The following ATP8B1 variants were observed in gnomAD, a reference collection of about 807,000 sequenced individuals.
The protein encoded by ATP8B1 is ATPase phospholipid transporting 8B1.
A neutral mutation model predicts 149.9 loss-of-function variants in ATP8B1; 80 were observed. The observed-to-expected ratio is 0.53, with a 90% CI of 0.45 to 0.64. ATP8B1 has a LOEUF of 0.64. Among genes scored for constraint, ATP8B1 ranks in the 30% least tolerant of loss-of-function variants. The pLI is 0.00. For missense variants in ATP8B1, 1,247 were observed against 1,552.6 expected (o/e 0.80, Z 3.31); for synonymous variants, 536 against 562.8 (o/e 0.95, Z 0.67).
chr18:57,728,017 CAT>C (rs2079725862), intron 2 of ATP8B1, among the ~76,000 whole-genome samples: 1 of 152,148 alleles, frequency 6.6e-6, no homozygotes, highest in Non-Finnish European at 1.5e-5. Context: ...ATTCTAACAG[CAT>C]GTTTGTGCCT....
At chr18:57,664,057 G>A (rs1363374414) in intron 20 of ATP8B1, among the ~76,000 whole-genome samples, 12 of 118,064 alleles carry the variant, frequency 1.0e-4, no homozygotes, top group South Asian at 3.4e-4. Context: ...GAGCCACCAC[G>A]CCTGGCCAGC....
intron 1 of ATP8B1, among the ~76,000 whole-genome samples, chr18:57,794,792 AAAAGAAAGAAAG>A (rs113119274): frequency 4.3e-4 from 63 of 147,994 alleles, no homozygotes; most frequent in South Asian, 3.5e-3. Context: ...CTCCGCCTCA[AAAAGAAAGAAAG>A]AAAGAAAGAA....
intron 1 of ATP8B1, among the ~76,000 whole-genome samples, chr18:57,736,033 C>T (rs2079851273): frequency 8.7e-6 from 1 of 115,024 alleles, no homozygotes; most frequent in Admixed American, 1.4e-4. Context: ...TTCATGTGTT[C>T]TCATTGTTCA....
At chr18:57,693,577 A>G (rs534753525) in intron 11 of ATP8B1, among the ~76,000 whole-genome samples, 28 of 152,142 alleles carry the variant, frequency 1.8e-4, no homozygotes, top group Non-Finnish European at 2.5e-4. Context: ...GTGTGGTGGC[A>G]GGTGCCTGTA....
intron 1 of ATP8B1, among the ~76,000 whole-genome samples, chr18:57,752,230 A>ATAATAATAATAG (rs1280981572): frequency 6.7e-6 from 1 of 148,186 alleles, no homozygotes; most frequent in Admixed American, 6.7e-5. Flanking sequence ...AATAATGATA[A>ATAATAATAATAG]TAATAATAAT....
chr18:57,774,733 TA>T (rs1314157358), intron 1 of ATP8B1, among the ~76,000 whole-genome samples: 4 of 152,220 alleles, frequency 2.6e-5, no homozygotes, highest in Non-Finnish European at 5.9e-5. Flanking sequence ...GTAACTATCT[TA>T]CAGATGTTTG....
At chr18:57,780,469 T>A (rs545507404) in intron 1 of ATP8B1, among the ~76,000 whole-genome samples, 1 of 152,272 alleles carries the variant, frequency 6.6e-6, no homozygotes, top group South Asian at 2.1e-4. Context: ...AAAACTATGG[T>A]GGGCTGGTTT....
At chr18:57,767,309 C>T (rs1442923535) in intron 1 of ATP8B1, among the ~76,000 whole-genome samples, 6 of 152,208 alleles carry the variant, frequency 3.9e-5, no homozygotes, top group South Asian at 2.1e-4. Context: ...ACAACCCAAG[C>T]TCCATTTCCT....
rs78886048 is a variant in ATP8B1, at chr18:57,771,383, G to A, written c.-26+31615C>T. The stretch of plus-strand genomic sequence containing the variant: ...TAGTCTACCTCTCTCAGCACTGGGC[G>A]TGGTGCATCTCCTATTGTTAGGCAA... On this transcript the variant is annotated intron_variant, in intron 1 of 27. Coordinates refer to ENST00000648908, the MANE Select transcript of ATP8B1 (RefSeq NM_001374385.1). Among the ~76,000 whole-genome samples, 409 of 152,266 alleles carry A rather than the reference G, an allele frequency of 2.7e-3. 3 individuals are homozygous for A. Among genetic ancestry groups the A allele is most frequent in the African/African-American group, 9.4e-3 (392 of 41,554 alleles).
chr18:57,680,728 G>T (rs1247365537), intron 15 of ATP8B1, among the ~76,000 whole-genome samples: 1 of 151,438 alleles, frequency 6.6e-6, no homozygotes, highest in Non-Finnish European at 1.5e-5. Flanking sequence ...CACATCCATG[G>T]CTTTGTTATC....
chr18:57,660,358 C>G (rs1252883170), intron 22 of ATP8B1, among the ~76,000 whole-genome samples: 1 of 152,096 alleles, frequency 6.6e-6, no homozygotes, highest in Non-Finnish European at 1.5e-5. Context: ...TAAACTCACA[C>G]CAGGTGACCC....
intron 1 of ATP8B1, among the ~76,000 whole-genome samples, chr18:57,757,241 A>C (rs547185301): frequency 5.8e-4 from 89 of 152,160 alleles, no homozygotes; most frequent in Non-Finnish European, 1.0e-3. Flanking sequence ...AAGCACTTTC[A>C]AGCTAGCACT....
chr18:57,718,103 T>TA (rs59629558), intron 2 of ATP8B1, among the ~76,000 whole-genome samples: 333 of 31,804 alleles, frequency 0.01, 5 homozygotes, highest in African/African-American at 0.022. Context: ...CTGGACTAAC[T>TA]AAAAAAAAAA....
At chr18:57,668,701 G>T in intron 18 of ATP8B1, 161 bp from the exon 19 acceptor site, 1 of 579,766 alleles carries the variant, frequency 1.7e-6, no homozygotes. Flanking sequence ...AGGCTGCCAT[G>T]TTTCACAATT....
chr18:57,671,108 A>C (rs1385670974), intron 17 of ATP8B1, among the ~76,000 whole-genome samples: 1 of 152,194 alleles, frequency 6.6e-6, no homozygotes, highest in Non-Finnish European at 1.5e-5. Context: ...TTTGCACTAC[A>C]ACTTGAAGTT....
Position 57,661,352 on chromosome 18 carries a change from T to C in ATP8B1, c.2529A>G (p.Glu843=). 2.5e-6 allele frequency: 4 copies of C among 1,614,040 alleles called. 1 individual carries two copies. The East Asian group carries it at 6.7e-5, about 27-fold the overall frequency. ...RMRTQSKRRL[E]AKKEQRQKNF... ...TTTTCTGCCGCTGCTCTTTCTTAGC[T>C]TCTAGCCTCCTTTTACTTTGGGTCC... Residue 843 remains glutamate (E), a synonymous_variant, in exon 22 of 28, where the codon GAA becomes GAG. Coordinates refer to ENST00000648908, the MANE Select transcript of ATP8B1 (RefSeq NM_001374385.1).
At chr18:57,656,677 G>A (rs7227893) in intron 22 of ATP8B1, among the ~76,000 whole-genome samples, 24,799 of 148,012 alleles carry the variant, frequency 0.17, 2,175 homozygotes, top group African/African-American at 0.23. Flanking sequence ...GTGCCTGGCC[G>A]AAATAGATAT....
At position 57,793,224 on chromosome 18, in the gene ATP8B1, T is replaced by C. The variant is rs182276069; in HGVS notation, c.-26+9774A>G. Among the ~76,000 whole-genome samples the C allele has an allele frequency of 2.4e-4, 37 of 152,206 alleles. No individual in the cohort carries two copies. The East Asian group carries it at 5.8e-3, about 24-fold the overall frequency. On this transcript the variant is annotated intron_variant, in intron 1 of 27. Transcript: ENST00000648908. ...TCTCTCTCTCACACCCCACATCCCA[T>C]CTGTTCGGAAGTCCTGTTGGCATTT...
chr18:57,784,751 G>A lies in ATP8B1; in HGVS notation c.-26+18247C>T, dbSNP rs377100421. 1.6e-4 allele frequency among the ~76,000 whole-genome samples: 25 copies of A among 152,280 alleles called. No homozygotes were observed. The highest frequency in any genetic ancestry group is 1.2e-3 in the East Asian group (6 of 5,178). The stretch of plus-strand genomic sequence containing the variant: ...TAGCATTTTAAGAGGACTCCTACCC[G>A]TGGTTTAGGGTAGAATTCCTCAGCC... On this transcript the variant is annotated intron_variant, in intron 1 of 27. Coordinates refer to ENST00000648908, the MANE Select transcript of ATP8B1 (RefSeq NM_001374385.1). The surrounding 1 kb of genome is among the most constrained non-coding windows in gnomAD (Gnocchi z 4.4).
Sources: gnomAD v4.1 joint callset for allele counts (sites outside exome capture counted in the v4.1 genomes callset) on GRCh38, gnomAD v4.1.1 for gene constraint, Gnocchi (gnomAD v3.1) non-coding constraint, MANE v1.5 for transcripts, NCBI Gene and HGNC (gene_info 2026-07-23, HGNC 2026-07-21) for gene names.